The following EXOC4 variants were observed in gnomAD, a reference collection of about 807,000 sequenced individuals.
EXOC4 encodes SEC8-like 1.
In EXOC4, 71 loss-of-function variants were observed where a neutral mutation model predicts 107.2. That is an observed-to-expected ratio of 0.66 (90% CI 0.55 to 0.81). The LOEUF (loss-of-function observed/expected upper bound fraction) is 0.81. EXOC4 is among the 30% of genes least tolerant of loss of function. EXOC4 has a pLI of 0.00. For synonymous variants in EXOC4, 456 were observed against 441.2 expected (o/e 1.03, Z -0.42); for missense variants, 1,108 against 1,189.6 (o/e 0.93, Z 1.01).
chr7:133,283,188 G>A (rs1016072634), intron 2 of EXOC4, among the ~76,000 whole-genome samples: 1 of 152,032 alleles, frequency 6.6e-6, no homozygotes, highest in African/African-American at 2.4e-5. Flanking sequence ...CTGTAGCCTC[G>A]ACTTACTGAG....
At chr7:133,870,959 C>T (rs966104797) in intron 11 of EXOC4, among the ~76,000 whole-genome samples, 6 of 152,172 alleles carry the variant, frequency 3.9e-5, no homozygotes, top group Admixed American at 2.0e-4. Context: ...TAGAGGTACT[C>T]GGTAGTCGTA....
intron 10 of EXOC4, among the ~76,000 whole-genome samples, chr7:133,633,519 GAC>G (rs1483109185): frequency 1.3e-5 from 2 of 152,120 alleles, no homozygotes; most frequent in Non-Finnish European, 2.9e-5. Flanking sequence ...AGGAGTTTGA[GAC>G]CAGCCTGGCC....
intron 2 of EXOC4, among the ~76,000 whole-genome samples, 180 bp downstream of exon 2, chr7:133,275,351 G>A (rs754316836): frequency 6.6e-6 from 1 of 152,008 alleles, no homozygotes; most frequent in African/African-American, 2.4e-5. Context: ...AGGCATCCTC[G>A]GCTGATTTCT....
chr7:133,737,696 A>G (rs917235950), intron 10 of EXOC4, among the ~76,000 whole-genome samples: 6 of 152,084 alleles, frequency 3.9e-5, no homozygotes, highest in Admixed American at 2.0e-4. Context: ...TTCAAACTAT[A>G]CATGACACAG....
chr7:133,441,187 C>T (rs1047869949), intron 7 of EXOC4, among the ~76,000 whole-genome samples: 2 of 152,066 alleles, frequency 1.3e-5, no homozygotes, highest in Admixed American at 1.3e-4. Context: ...GAAAATGCTT[C>T]AAGACGGGAG....
At position 133,347,243 on chromosome 7, in the gene EXOC4, ACTT is replaced by A. The variant is rs969500635; in HGVS notation, c.764-9086_764-9084del. Among the ~76,000 whole-genome samples, 4 of 132,366 alleles carry A rather than the reference ACTT, an allele frequency of 3.0e-5. No individual in the cohort carries two copies. The East Asian group carries it at 6.2e-4, about 20-fold the overall frequency. The allele number at this position is 132,366 out of a possible 152,430, so 86.8% of individuals were successfully genotyped here. ...TCAAGGATATATAGACGTAAACTAT[ACTT>A]TTTTTTTTTTTTTGTGAGGCAGAGT... On this transcript the variant is annotated intron_variant, in intron 5 of 17. Transcript: ENST00000253861.
intron 10 of EXOC4, among the ~76,000 whole-genome samples, chr7:133,752,644 T>C (rs1562983043): frequency 6.6e-6 from 1 of 152,140 alleles, no homozygotes; most frequent in Non-Finnish European, 1.5e-5. Flanking sequence ...GATCACTGTT[T>C]AAAAACAAAA....
intron 7 of EXOC4, among the ~76,000 whole-genome samples, chr7:133,437,258 T>C (rs530945392): frequency 3.5e-4 from 54 of 152,324 alleles, no homozygotes; most frequent in African/African-American, 1.2e-3. Context: ...ATTCTGATTA[T>C]GGCTTATGAT....
Position 133,275,064 on chromosome 7 carries a change from G to A in EXOC4, c.169G>A (p.Asp57Asn), listed in dbSNP as rs767045490. 3 of 1,613,832 alleles carry A rather than the reference G, an allele frequency of 1.9e-6. No individual in the cohort carries two copies. Among genetic ancestry groups the A allele is most frequent in the Non-Finnish European group, 2.5e-6 (3 of 1,179,798 alleles). ...AGAAGCCTACGAGAAATGTGACCGT[G>A]ACCTGGATGAATTGATTGTACAGCA... ...LEEAYEKCDR[D>N]LDELIVQHYT... Residue 57 changes from aspartate to asparagine, a missense_variant, in exon 2 of 18, where the codon GAC becomes AAC. By Grantham distance (23) the Asp-to-Asn change is conservative (BLOSUM62 1). Coordinates refer to ENST00000253861, the MANE Select transcript of EXOC4 (RefSeq NM_021807.4).
chr7:134,015,345 A>G (rs915754889), intron 17 of EXOC4, among the ~76,000 whole-genome samples: 1 of 152,162 alleles, frequency 6.6e-6, no homozygotes, highest in Admixed American at 6.5e-5. Context: ...TTTTTTGTTC[A>G]CTGCTGTAGC....
In EXOC4 at chr7:134,007,697, G is replaced by A; in HGVS notation, c.2549G>A (p.Cys850Tyr). 1 of 1,613,428 alleles carries A rather than the reference G, an allele frequency of 6.2e-7. No homozygotes were observed. Among genetic ancestry groups the A allele is most frequent in the South Asian group, 1.1e-5 (1 of 91,044 alleles). Residue 850 changes from cysteine to tyrosine, a missense_variant, in exon 17 of 18, where the codon TGC (cysteine) becomes TAC (tyrosine). Cys to Tyr is a radical substitution (Grantham distance 194, BLOSUM62 -2). Coordinates refer to ENST00000253861, the MANE Select transcript of EXOC4 (RefSeq NM_021807.4). ...IFEGLGHLIS[C>Y]ILINGAQYFR... ...TCAGGCCTGGGCCACCTGATCTCCT[G>A]CATCCTCATTAATGGTGCCCAGTAC...
intron 9 of EXOC4, among the ~76,000 whole-genome samples, chr7:133,535,691 T>C (rs1800258315): frequency 6.6e-6 from 1 of 152,236 alleles, no homozygotes; most frequent in Non-Finnish European, 1.5e-5. Context: ...AAATGATTTC[T>C]ACCTTATACG....
chr7:133,784,950 A>G (rs1225228912), intron 10 of EXOC4, among the ~76,000 whole-genome samples: 3 of 152,346 alleles, frequency 2.0e-5, no homozygotes, highest in African/African-American at 4.8e-5. Flanking sequence ...CGGGCCCTCC[A>G]GAAGATATCT....
chr7:133,399,165 T>C (rs1333497873), intron 7 of EXOC4, among the ~76,000 whole-genome samples: 1 of 152,226 alleles, frequency 6.6e-6, no homozygotes, highest in Non-Finnish European at 1.5e-5. Flanking sequence ...TTAAAACCAC[T>C]AAAGGTAAAC....
At chr7:133,917,275 G>C (rs1313866225) in intron 12 of EXOC4, among the ~76,000 whole-genome samples, 2 of 152,154 alleles carry the variant, frequency 1.3e-5, no homozygotes, top group African/African-American at 4.8e-5. Context: ...TTTCTTAAAA[G>C]GTCCCCCCCA....
chr7:133,309,288 C>T (rs1794818614), intron 4 of EXOC4, among the ~76,000 whole-genome samples: 1 of 152,124 alleles, frequency 6.6e-6, no homozygotes, highest in African/African-American at 2.4e-5. Context: ...AAATCAGGCT[C>T]ACCAGGATTT....
chr7:134,004,395 G>A (rs946920503), intron 15 of EXOC4, among the ~76,000 whole-genome samples: 3 of 152,104 alleles, frequency 2.0e-5, no homozygotes, highest in African/African-American at 7.2e-5. Flanking sequence ...AGGAACTGAG[G>A]GATAGAGAGA....
At chr7:133,642,505 C>T (rs1162796533) in intron 10 of EXOC4, among the ~76,000 whole-genome samples, 1 of 152,218 alleles carries the variant, frequency 6.6e-6, no homozygotes, top group Non-Finnish European at 1.5e-5. Context: ...TCTTACCCCA[C>T]ACGTCTAGTG....
intron 7 of EXOC4, among the ~76,000 whole-genome samples, chr7:133,386,676 G>A (rs934562001): frequency 6.6e-6 from 1 of 152,204 alleles, no homozygotes; most frequent in African/African-American, 2.4e-5. Flanking sequence ...AAGTGAAATT[G>A]TAGGATATTA....
Sources: allele counts gnomAD v4.1 joint callset (sites outside exome capture counted in the v4.1 genomes callset), GRCh38; gene constraint gnomAD v4.1.1; transcripts MANE v1.5; gene names NCBI Gene and HGNC (gene_info 2026-07-23, HGNC 2026-07-21).